WNT5B: variants seen among roughly 807,000 people sequenced by gnomAD.
WNT5B encodes the protein Wnt family member 5B, also known as protein Wnt-5b.
In WNT5B, 18 loss-of-function variants were observed where a neutral mutation model predicts 36.5. The ratio of observed to expected loss-of-function variants is 0.49; its 90% CI spans 0.34 to 0.73. The LOEUF (loss-of-function observed/expected upper bound fraction) is 0.73. WNT5B is among the 30% of genes least tolerant of loss of function. WNT5B has a pLI of 0.01. For missense variants in WNT5B, 424 were observed against 508.4 expected, an observed-to-expected ratio of 0.83 and a Z score of 1.60; for synonymous variants, 213 against 212.3, an observed-to-expected ratio of 1.00 and a Z score of -0.03.
intron 3 of WNT5B, among the ~76,000 whole-genome samples, chr12:1,638,441 A>T (rs938391705): frequency 2.0e-5 from 3 of 152,130 alleles, no homozygotes; most frequent in African/African-American, 7.2e-5. Flanking sequence ...CCGCTTAACC[A>T]TTCCCACCCA....
chr12:1,640,671 C>T (rs1362165088), intron 4 of WNT5B, among the ~76,000 whole-genome samples: 1 of 152,226 alleles, frequency 6.6e-6, no homozygotes, highest in African/African-American at 2.4e-5. Flanking sequence ...TGGGCGGCAG[C>T]TTCTGGGCCC....
Position 1,645,897 on chromosome 12 carries a change from G to T in WNT5B, c.725G>T (p.Gly242Val). ...CAGCTGGCCGAGTTCCGCAAGGTCG[G>T]GGACCGGCTGAAGGAGAAGTACGAC... The part of the protein sequence containing the change: ...WLQLAEFRKV[G>V]DRLKEKYDSA... Residue 242 changes from glycine (G) to valine (V), a missense_variant, in exon 5 of 5, where the codon GGG becomes GTG. Physicochemically the swap from Gly to Val is moderately radical, Grantham distance 109. Transcript: ENST00000397196. 6.2e-7 allele frequency: 1 copy of T among 1,611,420 alleles called. No individual in the cohort carries two copies.
rs2094552822 is a variant in WNT5B, at chr12:1,632,554, C to T, written c.81-104C>T. The T allele has an allele frequency of 2.0e-6, 3 of 1,474,594 alleles. No individual in the cohort carries two copies. The highest frequency in any genetic ancestry group is 4.4e-5 in the Admixed American group (2 of 45,202). The allele number at this position is 1,474,594 out of a possible 1,614,324, so 91.3% of individuals were successfully genotyped here. Reference sequence around the variant, plus strand: ...ATTTTTCTTTCCAGGGCCTTGTACACAGGGACGCATTCAATAAATGTGTTG... The same window carrying T: ...ATTTTTCTTTCCAGGGCCTTGTACATAGGGACGCATTCAATAAATGTGTTG... On this transcript the variant is annotated intron_variant, in intron 2 of 4. Coordinates refer to ENST00000397196, the MANE Select transcript of WNT5B (RefSeq NM_032642.3). This position sits in a 1 kb window ranked among gnomAD's most constrained non-coding sequence, Gnocchi z 5.8.
intron 1 of WNT5B, among the ~76,000 whole-genome samples, chr12:1,622,220 C>G: frequency 6.6e-6 from 1 of 151,292 alleles, no homozygotes; most frequent in African/African-American, 2.4e-5. Flanking sequence ...ACGCCATTCT[C>G]CTGCTTCAGC....
chr12:1,630,336 C>T lies in WNT5B; in HGVS notation c.-57-962C>T. The T allele has an allele frequency of 4.5e-6, 3 of 667,280 alleles. No individual in the cohort carries two copies. Among genetic ancestry groups the T allele is most frequent in the Non-Finnish European group, 5.6e-6 (3 of 538,862 alleles). The allele number at this position is 667,280 out of a possible 1,614,324, so 41.3% of individuals were successfully genotyped here. ...GTGTGTCCCGAGGCGCAGGCTCGCT[C>T]TAGCAGCACTGACCTGCTGCGGGTC... On this transcript the variant is annotated intron_variant, in intron 1 of 4. Coordinates refer to ENST00000397196, the MANE Select transcript of WNT5B (RefSeq NM_032642.3). The surrounding 1 kb of genome is among the most constrained non-coding windows in gnomAD (Gnocchi z 5.3).
chr12:1,631,871 T>C (rs1187384202), intron 2 of WNT5B, among the ~76,000 whole-genome samples: 1 of 152,168 alleles, frequency 6.6e-6, no homozygotes, highest in Non-Finnish European at 1.5e-5. Context: ...CTTCTTATGT[T>C]TTAAGGGCTG....
chr12:1,642,916 C>A (rs1321954629), intron 4 of WNT5B, among the ~76,000 whole-genome samples: 1 of 152,122 alleles, frequency 6.6e-6, no homozygotes, highest in Non-Finnish European at 1.5e-5. Context: ...TATTTTTTAT[C>A]CTCTCTCCAA....
Position 1,646,356 on chromosome 12 carries a change from G to T in WNT5B, c.*104G>T, listed in dbSNP as rs988520865. 1.0e-5 allele frequency: 10 copies of T among 961,404 alleles called. No individual in the cohort carries two copies. In the African/African-American group the frequency reaches 1.5e-4, roughly 15 times the overall value. The allele number at this position is 961,404 out of a possible 1,614,324, so 59.6% of individuals were successfully genotyped here. On this transcript the variant is annotated 3_prime_UTR_variant, in exon 5 of 5. Coordinates refer to ENST00000397196, the MANE Select transcript of WNT5B (RefSeq NM_032642.3). ...TATATTTGTATAAGTAAATGGGTGG[G>T]TGCTATACAATGGAAAGATGAAAAT...
upstream of WNT5B, among the ~76,000 whole-genome samples, chr12:1,625,750 A>G (rs2094540052): frequency 6.6e-6 from 1 of 151,936 alleles, no homozygotes; most frequent in Non-Finnish European, 1.5e-5. Flanking sequence ...TGCAAGCTCC[A>G]CTTCCCAGGT....
rs12298438 is a variant in WNT5B at position 1,635,481 on chromosome 12, G to A, written c.328+2576G>A. Among the ~76,000 whole-genome samples the A allele has an allele frequency of 3.4e-3, 512 of 152,364 alleles. 3 individuals are homozygous for A. Among genetic ancestry groups the A allele is most frequent in the African/African-American group, 0.012 (494 of 41,588 alleles). On this transcript the variant is annotated intron_variant, in intron 3 of 4. Coordinates refer to ENST00000397196, the MANE Select transcript of WNT5B (RefSeq NM_032642.3). ...GTGCAGCAGGCAGGAATCATAAGGAGGCGTATTTCAGCTTAATACAAGAAG... is the reference window on the plus strand; with the variant it reads ...GTGCAGCAGGCAGGAATCATAAGGAAGCGTATTTCAGCTTAATACAAGAAG...
At position 1,646,368 on chromosome 12, in the gene WNT5B, G is replaced by A; in HGVS notation, c.*116G>A. The A allele has an allele frequency of 1.1e-6, 1 of 872,712 alleles. No individual in the cohort carries two copies. The highest frequency in any genetic ancestry group is 1.5e-6 in the Non-Finnish European group (1 of 647,752). The allele number at this position is 872,712 out of a possible 1,614,324, so 54.1% of individuals were successfully genotyped here. A position where few individuals can be genotyped will look rare whatever the true frequency, so the allele number is the denominator to read the frequency against. ...AGTAAATGGGTGGGTGCTATACAAT[G>A]GAAAGATGAAAATGGAAAGGAAGAG... On this transcript the variant is annotated 3_prime_UTR_variant, in exon 5 of 5. Transcript: ENST00000397196.
Position 1,639,199 on chromosome 12 carries a change from G to A in WNT5B, c.329-485G>A, listed in dbSNP as rs1472172415. Among the ~76,000 whole-genome samples, 37 of 150,176 alleles carry A rather than the reference G, an allele frequency of 2.5e-4. 1 individual carries two copies. Among genetic ancestry groups the A allele is most frequent in the Admixed American group, 4.0e-4 (6 of 15,098 alleles). On this transcript the variant is annotated intron_variant, in intron 3 of 4. Coordinates refer to ENST00000397196, the MANE Select transcript of WNT5B (RefSeq NM_032642.3). ...GTCGCCCAGGCTGGAGTGCAGTGGC[G>A]CGGTCTCAGCTCCCTGCAAGCTCCG...
chr12:1,634,681 CT>C (rs993623656), intron 3 of WNT5B, among the ~76,000 whole-genome samples: 5 of 152,206 alleles, frequency 3.3e-5, no homozygotes, highest in African/African-American at 4.8e-5. Context: ...TTCCTCCCCC[CT>C]GAGCCCAGAG....
chr12:1,639,605 C>A, intron 3 of WNT5B, 79 bp from the exon 4 acceptor site: 8 of 1,414,638 alleles, frequency 5.7e-6, no homozygotes, highest in Non-Finnish European at 7.4e-6. Context: ...CGTGCGGGTC[C>A]GTCGGGGGAG....
In WNT5B at chr12:1,630,596, G is replaced by T. The variant is rs1268210691; in HGVS notation, c.-57-702G>T. Among the ~76,000 whole-genome samples the T allele has an allele frequency of 1.3e-5, 2 of 152,210 alleles. No homozygotes were observed. The highest frequency in any genetic ancestry group is 3.8e-4 in the East Asian group (2 of 5,200). ...TGCCGCCCTCGAGGACCACGGTGCCGGGAGGGGCAGGGGCCGCCTAGGGAG... is the reference window on the plus strand; with the variant it reads ...TGCCGCCCTCGAGGACCACGGTGCCTGGAGGGGCAGGGGCCGCCTAGGGAG... On this transcript the variant is annotated intron_variant, in intron 1 of 4. Transcript: ENST00000397196. This position sits in a 1 kb window ranked among gnomAD's most constrained non-coding sequence, Gnocchi z 5.3.
rs762843288 is a variant in WNT5B at position 1,646,256 on chromosome 12, G to A, written c.*4G>A. ...GGACCAGTACATCTGTAAATAGCCCGGAGGGCCTGCTCCCGGCCCCCCTGC... is the reference window on the plus strand; with the variant it reads ...GGACCAGTACATCTGTAAATAGCCCAGAGGGCCTGCTCCCGGCCCCCCTGC... On this transcript the variant is annotated 3_prime_UTR_variant, in exon 5 of 5. Coordinates refer to ENST00000397196, the MANE Select transcript of WNT5B (RefSeq NM_032642.3). 125 of 1,603,090 alleles carry A rather than the reference G, an allele frequency of 7.8e-5. 1 individual carries two copies. The Admixed American group carries it at 1.6e-3, about 20-fold the overall frequency.
chr12:1,640,504 A>G (rs947085160), intron 4 of WNT5B, among the ~76,000 whole-genome samples: 2 of 152,242 alleles, frequency 1.3e-5, no homozygotes, highest in African/African-American at 2.4e-5. Flanking sequence ...GATTTTAGAC[A>G]TAAGTGGAAG....
intron 3 of WNT5B, among the ~76,000 whole-genome samples, chr12:1,636,447 G>A (rs1244685266): frequency 5.6e-5 from 8 of 143,010 alleles, no homozygotes; most frequent in Non-Finnish European, 6.0e-5. Flanking sequence ...CTTTGGTGAC[G>A]GGCTCCTTTT....
upstream of WNT5B, among the ~76,000 whole-genome samples, chr12:1,625,340 T>C (rs1306993440): frequency 6.6e-6 from 1 of 152,128 alleles, no homozygotes; most frequent in Admixed American, 6.5e-5. Context: ...ACCTGGAAAT[T>C]GGGAAGGAAA....
Sources: allele counts gnomAD v4.1 joint callset (sites outside exome capture counted in the v4.1 genomes callset), GRCh38; gene constraint gnomAD v4.1.1; non-coding constraint Gnocchi (gnomAD v3.1); transcripts MANE v1.5; gene names NCBI Gene and HGNC (gene_info 2026-07-23, HGNC 2026-07-21).